The following PLXNC1 variants were observed in gnomAD, a reference collection of about 807,000 sequenced individuals.
PLXNC1 encodes the protein plexin-C1.
A neutral mutation model predicts 178.2 loss-of-function variants in PLXNC1; 75 were observed. That is an observed-to-expected ratio of 0.42 (90% CI 0.35 to 0.51). PLXNC1 has a LOEUF of 0.51. Among genes scored for constraint, PLXNC1 ranks in the 20% least tolerant of loss-of-function variants. The pLI, the probability that PLXNC1 is intolerant of heterozygous loss-of-function variation, is 0.02. For missense variants in PLXNC1, 1,503 were observed against 1,984.4 expected (o/e 0.76, Z 4.61); for synonymous variants, 790 against 779.9 (o/e 1.01, Z -0.22).
At chr12:94,204,491 A>G (rs12423060) in intron 4 of PLXNC1, among the ~76,000 whole-genome samples, 53,296 of 152,172 alleles carry the variant, frequency 0.35, 11,261 homozygotes, top group East Asian at 0.58. Flanking sequence ...ATGTAGACTG[A>G]CTTTCAGCTT....
intron 1 of PLXNC1, among the ~76,000 whole-genome samples, chr12:94,157,306 A>G (rs1961212007): frequency 1.3e-5 from 2 of 152,220 alleles, no homozygotes; most frequent in African/African-American, 4.8e-5. Context: ...ACAGTAGCAT[A>G]CAGTAGTGTC....
At position 94,259,747 on chromosome 12, in the gene PLXNC1, T is replaced by G. The variant is rs1379594313; in HGVS notation, c.3251+13T>G. 6.3e-7 allele frequency: 1 copy of G among 1,588,464 alleles called. No homozygotes were observed. Among genetic ancestry groups the G allele is most frequent in the East Asian group, 2.3e-5 (1 of 44,236 alleles). ...CTGTGAAGGACAGGTATTAGTCCATTCTTTGATGTTTTAAAAGCCTTTAAG... is the reference window on the plus strand; with the variant it reads ...CTGTGAAGGACAGGTATTAGTCCATGCTTTGATGTTTTAAAAGCCTTTAAG... On this transcript the variant is annotated intron_variant, in intron 19 of 30. Coordinates refer to ENST00000258526, the MANE Select transcript of PLXNC1 (RefSeq NM_005761.3).
intron 1 of PLXNC1, among the ~76,000 whole-genome samples, chr12:94,166,754 C>T (rs1287866881): frequency 1.3e-5 from 2 of 151,758 alleles, no homozygotes; most frequent in East Asian, 3.9e-4. Context: ...TTAATGGCTG[C>T]ACCACTTACC....
intron 5 of PLXNC1, among the ~76,000 whole-genome samples, chr12:94,217,005 T>C (rs1387581622): frequency 2.0e-5 from 3 of 152,138 alleles, no homozygotes; most frequent in Non-Finnish European, 4.4e-5. Context: ...CAAAAATACC[T>C]TCACCTCACT....
rs376806060 is a variant in PLXNC1, at chr12:94,260,509, TAAA to T, written c.3252-117_3252-115del. ...ATAGAAGTGGTTAGAATCTAAACAT[TAAA>T]AAAAAAAAAAAAAAAGCTCCCAACC... On this transcript the variant is annotated intron_variant, in intron 19 of 30. Transcript: ENST00000258526. This position sits in a 1 kb window ranked among gnomAD's most constrained non-coding sequence, Gnocchi z 4.4. 0.014 allele frequency: 6,823 copies of T among 479,100 alleles called. No individual in the cohort carries two copies. The highest frequency in any genetic ancestry group is 0.022 in the Middle Eastern group (40 of 1,846). The allele number at this position is 479,100 out of a possible 1,614,324, so 29.7% of individuals were successfully genotyped here. A position where few individuals can be genotyped will look rare whatever the true frequency, so the allele number is the denominator to read the frequency against.
chr12:94,224,098 A>G (rs1274053030), intron 6 of PLXNC1, 130 bp from the exon 7 acceptor site: 13 of 677,158 alleles, frequency 1.9e-5, no homozygotes, highest in South Asian at 3.3e-5. Flanking sequence ...TTGAAATGTT[A>G]GCAAACAGCT....
At chr12:94,159,351 G>C (rs1592719114) in intron 1 of PLXNC1, among the ~76,000 whole-genome samples, 1 of 152,318 alleles carries the variant, frequency 6.6e-6, no homozygotes, top group East Asian at 1.9e-4. Flanking sequence ...TCACTAAACA[G>C]GTAATGTAGC....
intron 6 of PLXNC1, among the ~76,000 whole-genome samples, chr12:94,223,232 G>A (rs897601228): frequency 6.6e-6 from 1 of 152,042 alleles, no homozygotes; most frequent in Non-Finnish European, 1.5e-5. Flanking sequence ...TAGCCAACAT[G>A]GTGAAACCCC....
intron 4 of PLXNC1, among the ~76,000 whole-genome samples, chr12:94,193,029 G>GAT (rs1489855963): frequency 6.6e-6 from 1 of 152,178 alleles, no homozygotes; most frequent in Non-Finnish European, 1.5e-5. Context: ...TGGAGGAAGG[G>GAT]ATATCTAATC....
At position 94,182,271 on chromosome 12, in the gene PLXNC1, G is replaced by A. The variant is rs140197503; in HGVS notation, c.1338+691G>A. ...AACAGTGTTAATGAAATGTGTTACT[G>A]ACCGGGCATAGTGGCTCATGCCTGT... On this transcript the variant is annotated intron_variant, in intron 3 of 30. Coordinates refer to ENST00000258526, the MANE Select transcript of PLXNC1 (RefSeq NM_005761.3). 8.0e-3 allele frequency among the ~76,000 whole-genome samples: 1,212 copies of A among 151,946 alleles called. 11 individuals carry two copies. Among genetic ancestry groups the A allele is most frequent in the Middle Eastern group, 0.017 (5 of 292 alleles).
intron 20 of PLXNC1, among the ~76,000 whole-genome samples, chr12:94,264,575 C>T (rs1050444117): frequency 7.9e-5 from 12 of 152,262 alleles, no homozygotes; most frequent in East Asian, 1.9e-4. Context: ...CTGCTTCCTT[C>T]GAGAAGTGCT....
rs1421945932 is a variant in PLXNC1 at position 94,181,567 on chromosome 12, C to T, written c.1325C>T (p.Thr442Ile). ...GTGAAGAATATCTACATTTATCTAA[C>T]AGCTGGGAAAGAGGTAGGTAGAAAT... ...DPVKNIYIYL[T>I]AGKEVRRIRV... Residue 442 changes from threonine to isoleucine, a missense_variant, in exon 3 of 31, where the codon ACA (threonine) becomes ATA (isoleucine). Physicochemically the swap from Thr to Ile is moderately conservative, Grantham distance 89 (BLOSUM62 -1). This residue lies in a region of PLXNC1 where 615 missense variants were observed against 698.6 expected (regional missense o/e 0.88). Transcript: ENST00000258526. 3 of 1,606,666 alleles carry T rather than the reference C, an allele frequency of 1.9e-6. No homozygotes were observed. Among genetic ancestry groups the T allele is most frequent in the East Asian group, 2.2e-5 (1 of 44,810 alleles).
At chr12:94,194,077 A>G (rs1962825919) in intron 4 of PLXNC1, among the ~76,000 whole-genome samples, 1 of 152,162 alleles carries the variant, frequency 6.6e-6, no homozygotes. Flanking sequence ...GAAACTTACA[A>G]TCATGGCAGA....
chr12:94,204,735 C>T (rs749408396), intron 4 of PLXNC1, among the ~76,000 whole-genome samples: 28 of 152,258 alleles, frequency 1.8e-4, no homozygotes, highest in Non-Finnish European at 3.2e-4. Flanking sequence ...TCTGTGCCTT[C>T]CCTAAAAATG....
At chr12:94,198,624 C>T (rs1163771617) in intron 4 of PLXNC1, among the ~76,000 whole-genome samples, 1 of 152,188 alleles carries the variant, frequency 6.6e-6, no homozygotes, top group Non-Finnish European at 1.5e-5. Flanking sequence ...GTTCTGGAGG[C>T]CAGAAGTCTG....
chr12:94,202,885 A>T (rs1963183430), intron 4 of PLXNC1, among the ~76,000 whole-genome samples: 1 of 152,192 alleles, frequency 6.6e-6, no homozygotes, highest in South Asian at 2.1e-4. Context: ...TGTATTGCAG[A>T]CTGAGGTGCT....
chr12:94,241,302 A>G (rs1243791503), intron 11 of PLXNC1, among the ~76,000 whole-genome samples: 3 of 152,210 alleles, frequency 2.0e-5, no homozygotes, highest in Non-Finnish European at 4.4e-5. Flanking sequence ...GTAATCATCA[A>G]ATCAGGGTAA....
At chr12:94,178,321 A>AT (rs1565795221) in intron 2 of PLXNC1, among the ~76,000 whole-genome samples, 1 of 152,208 alleles carries the variant, frequency 6.6e-6, no homozygotes, top group Non-Finnish European at 1.5e-5. Context: ...TTCAGTTTCA[A>AT]CTTTATTGGC....
intron 5 of PLXNC1, among the ~76,000 whole-genome samples, chr12:94,211,109 A>G (rs1046528473): frequency 1.3e-5 from 2 of 152,234 alleles, no homozygotes; most frequent in Non-Finnish European, 2.9e-5. Flanking sequence ...TTCCGTACCT[A>G]GCTAGGGGCT....
Sources: gnomAD v4.1 joint callset for allele counts (sites outside exome capture counted in the v4.1 genomes callset) on GRCh38, gnomAD v4.1.1 for gene constraint, gnomAD v4.1.1 regional missense constraint, Gnocchi (gnomAD v3.1) non-coding constraint, MANE v1.5 for transcripts, NCBI Gene and HGNC (gene_info 2026-07-23, HGNC 2026-07-21) for gene names.